The following UBR3 variants were observed in gnomAD, a reference collection of about 807,000 sequenced individuals.
The protein encoded by UBR3 is E3 ubiquitin-protein ligase UBR3.
UBR3 carries 85 observed loss-of-function variants against 243.2 expected under a neutral mutation model. That is an observed-to-expected ratio of 0.35 (90% CI 0.29 to 0.42). The LOEUF (loss-of-function observed/expected upper bound fraction) is 0.42. UBR3 is among the 10% of genes least tolerant of loss of function. The pLI is 1.00. For synonymous variants in UBR3, 748 were observed against 799.8 expected, an observed-to-expected ratio of 0.94 and a Z score of 1.09; for missense variants, 1,686 against 2,300.8, an observed-to-expected ratio of 0.73 and a Z score of 5.47.
At chr2:169,935,790 G>A (rs1201443026) in intron 19 of UBR3, among the ~76,000 whole-genome samples, 1 of 152,034 alleles carries the variant, frequency 6.6e-6, no homozygotes, top group African/African-American at 2.4e-5. Flanking sequence ...TAATGCTTTT[G>A]AAAAGAGCAG....
intron 31 of UBR3, among the ~76,000 whole-genome samples, chr2:170,033,605 T>C (rs560372230): frequency 2.8e-5 from 3 of 107,790 alleles, no homozygotes; most frequent in African/African-American, 3.7e-5. Flanking sequence ...CAATATTTGC[T>C]CTCATTTTTA....
intron 30 of UBR3, among the ~76,000 whole-genome samples, chr2:170,016,271 CTT>C (rs1297597439): frequency 1.3e-5 from 2 of 151,654 alleles, no homozygotes; most frequent in African/African-American, 4.8e-5. Context: ...TAAAAGCAAA[CTT>C]ATGTGAAATT....
At position 169,837,791 on chromosome 2, in the gene UBR3, G is replaced by C. The variant is rs185337631; in HGVS notation, c.545+9739G>C. 3.0e-3 allele frequency among the ~76,000 whole-genome samples: 464 copies of C among 152,280 alleles called. 5 individuals carry two copies. The highest frequency in any genetic ancestry group is 0.01 in the African/African-American group (433 of 41,560). Reference sequence around the variant, plus strand: ...TTATGGGGATTACAATTCAGGATGAGATTTTGGGTGGGGACACAACCAAAC... The same window carrying C: ...TTATGGGGATTACAATTCAGGATGACATTTTGGGTGGGGACACAACCAAAC... On this transcript the variant is annotated intron_variant, in intron 1 of 38. Coordinates refer to ENST00000272793, the MANE Select transcript of UBR3 (RefSeq NM_172070.4).
At chr2:169,878,609 C>A in intron 5 of UBR3, 35 bp downstream of exon 5, 2 of 1,522,238 alleles carry the variant, frequency 1.3e-6, no homozygotes, top group South Asian at 1.2e-5. Context: ...TTAAAAAGTA[C>A]AATTTTGTGC....
In UBR3 at chr2:170,066,092, G is replaced by A. The variant is rs1031113446; in HGVS notation, c.5019+4649G>A. On this transcript the variant is annotated intron_variant, in intron 35 of 38. Transcript: ENST00000272793. ...TTAATCTTAGACATTTAGCTGTCCTGCTAAATTCAGTTATTCTTTCTAATA... is the reference window on the plus strand; with the variant it reads ...TTAATCTTAGACATTTAGCTGTCCTACTAAATTCAGTTATTCTTTCTAATA... Among the ~76,000 whole-genome samples the A allele has an allele frequency of 5.3e-5, 8 of 151,870 alleles. No individual in the cohort carries two copies. The East Asian group carries it at 1.5e-3, about 29-fold the overall frequency.
intron 24 of UBR3, among the ~76,000 whole-genome samples, chr2:169,961,284 C>T (rs576847959): frequency 6.6e-6 from 1 of 151,626 alleles, no homozygotes. Flanking sequence ...GAGATTCTTA[C>T]ATATTAACGT....
chr2:169,981,464 A>T (rs2088727130), intron 24 of UBR3, among the ~76,000 whole-genome samples: 1 of 152,178 alleles, frequency 6.6e-6, no homozygotes, highest in Non-Finnish European at 1.5e-5. Context: ...ATAATTGAGG[A>T]CTGTTATGCA....
At position 170,057,118 on chromosome 2, in the gene UBR3, CTTTTT is replaced by C. The variant is rs34846378; in HGVS notation, c.4785+1547_4785+1551del. 2.9e-5 allele frequency among the ~76,000 whole-genome samples: 4 copies of C among 135,816 alleles called. No individual in the cohort carries two copies. In the East Asian group the frequency reaches 6.5e-4, roughly 22 times the overall value. The allele number at this position is 135,816 out of a possible 152,430, so 89.1% of individuals were successfully genotyped here. A position where few individuals can be genotyped will look rare whatever the true frequency, so the allele number is the denominator to read the frequency against. ...TTTTTGTAATTATCTTTAGTTTTTT[CTTTTT>C]TTTTTTTTTTTTGAGACAGGGTCTC... is the stretch of plus-strand genomic sequence containing the variant. On this transcript the variant is annotated intron_variant, in intron 33 of 38. Coordinates refer to ENST00000272793, the MANE Select transcript of UBR3 (RefSeq NM_172070.4).
At chr2:169,997,481 G>A (rs960621562) in intron 26 of UBR3, among the ~76,000 whole-genome samples, 19 of 152,000 alleles carry the variant, frequency 1.3e-4, no homozygotes, top group African/African-American at 3.6e-4. Flanking sequence ...GGGGAGTGCT[G>A]AGGTCTGGGC....
chr2:169,858,655 A>G (rs2082975302), intron 1 of UBR3, among the ~76,000 whole-genome samples: 1 of 152,098 alleles, frequency 6.6e-6, no homozygotes, highest in Admixed American at 6.5e-5. Context: ...GCTGGAATGC[A>G]ATGGGGTGAT....
chr2:170,073,628 T>A (rs773970499), intron 36 of UBR3, 21 bp downstream of exon 36: 3 of 1,606,954 alleles, frequency 1.9e-6, no homozygotes, highest in Non-Finnish European at 8.5e-7. Flanking sequence ...AGAGTTGTAC[T>A]AGCTTGTCAC....
chr2:169,828,385 G>A (rs1450377569), intron 1 of UBR3, among the ~76,000 whole-genome samples: 1 of 152,174 alleles, frequency 6.6e-6, no homozygotes, highest in African/African-American at 2.4e-5. Context: ...GTGTCGAGCT[G>A]TCAAGTGTGT....
chr2:169,844,007 C>CTTTTTTTTTTTTTTTTTTTTTTTTTT (rs11421686), intron 1 of UBR3, among the ~76,000 whole-genome samples: 1 of 134,086 alleles, frequency 7.5e-6, no homozygotes. Flanking sequence ...TTTCTCTTTA[C>CTTTTTTTTTTTTTTTTTTTTTTTTTT]TTTTTTTTTT....
At position 169,861,310 on chromosome 2, in the gene UBR3, T is replaced by A. The variant is rs1226638936; in HGVS notation, c.546-10926T>A. Among the ~76,000 whole-genome samples, 3 of 152,180 alleles carry A rather than the reference T, an allele frequency of 2.0e-5. No individual in the cohort carries two copies. The East Asian group carries it at 5.8e-4, about 29-fold the overall frequency. On this transcript the variant is annotated intron_variant, in intron 1 of 38. Coordinates refer to ENST00000272793, the MANE Select transcript of UBR3 (RefSeq NM_172070.4). Reference sequence around the variant, plus strand: ...TTGCAAACCTTTTTTCCTACTCGTCTTTTCAAAAACAAATGCCGGCTGGGT... The same window carrying A: ...TTGCAAACCTTTTTTCCTACTCGTCATTTCAAAAACAAATGCCGGCTGGGT...
At chr2:169,964,664 G>C (rs1052311820) in intron 24 of UBR3, 2 of 368,246 alleles carry the variant, frequency 5.4e-6, no homozygotes, top group Non-Finnish European at 1.1e-5. Context: ...GTTTGGAATT[G>C]CTGAGGAGAG....
intron 35 of UBR3, among the ~76,000 whole-genome samples, chr2:170,063,839 G>A (rs184813094): frequency 1.4e-4 from 21 of 152,274 alleles, no homozygotes; most frequent in African/African-American, 4.8e-4. Flanking sequence ...GTTGTATATT[G>A]TAATATAAAG....
chr2:169,934,835 G>A (rs982155207), intron 19 of UBR3, among the ~76,000 whole-genome samples: 1 of 152,166 alleles, frequency 6.6e-6, no homozygotes, highest in Non-Finnish European at 1.5e-5. Flanking sequence ...TTTATGTGAT[G>A]CTTAGATGCT....
At chr2:169,860,153 T>G (rs1483127940) in intron 1 of UBR3, among the ~76,000 whole-genome samples, 1 of 152,226 alleles carries the variant, frequency 6.6e-6, no homozygotes, top group African/African-American at 2.4e-5. Flanking sequence ...TCCATCACTT[T>G]TGGGTCTATG....
chr2:169,906,789 G>A lies in UBR3; in HGVS notation c.1779+625G>A, dbSNP rs139045493. Among the ~76,000 whole-genome samples, 19 of 152,100 alleles carry A rather than the reference G, an allele frequency of 1.2e-4. 1 individual carries two copies. The highest frequency in any genetic ancestry group is 9.7e-4 in the East Asian group (5 of 5,180). Reference sequence around the variant, plus strand: ...TTGACTCTGCTTCTTTTTTACTTGCGTGACTTGGTCAGCTCATTTAAAAAT... The same window carrying A: ...TTGACTCTGCTTCTTTTTTACTTGCATGACTTGGTCAGCTCATTTAAAAAT... On this transcript the variant is annotated intron_variant, in intron 10 of 38. Transcript: ENST00000272793.
Sources: gnomAD v4.1 joint callset for allele counts (sites outside exome capture counted in the v4.1 genomes callset) on GRCh38, gnomAD v4.1.1 for gene constraint, MANE v1.5 for transcripts, NCBI Gene and HGNC (gene_info 2026-07-23, HGNC 2026-07-21) for gene names.